The following ATF7IP2 variants were observed in gnomAD, a reference collection of about 807,000 sequenced individuals.
ATF7IP2 encodes activating transcription factor 7 interacting protein 2, also known as activating transcription factor 7-interacting protein 2.
ATF7IP2 carries 42 observed loss-of-function variants against 64.2 expected under a neutral mutation model. That is an observed-to-expected ratio of 0.65 (90% CI 0.51 to 0.85). The LOEUF (loss-of-function observed/expected upper bound fraction) is 0.85, where lower values mean the gene tolerates loss of function less well. ATF7IP2 is among the 40% of genes least tolerant of loss of function. The probability of loss-of-function intolerance (pLI) is 0.00; values close to 1 mark genes in which losing one functional copy is unlikely to be tolerated. For missense variants in ATF7IP2, 933 were observed against 784.2 expected (o/e 1.19, Z -2.27); for synonymous variants, 308 against 272.8 (o/e 1.13, Z -1.27).
At chr16:10,450,948 G>C (rs2048965288) in intron 8 of ATF7IP2, among the ~76,000 whole-genome samples, 2 of 152,208 alleles carry the variant, frequency 1.3e-5, no homozygotes, top group Non-Finnish European at 1.5e-5. Context: ...TGCAGTGGCT[G>C]GTACTGGTTG....
chr16:10,409,724 C>G (rs1380149649), intron 1 of ATF7IP2, among the ~76,000 whole-genome samples: 6 of 152,170 alleles, frequency 3.9e-5, no homozygotes, highest in Non-Finnish European at 8.8e-5. Flanking sequence ...CATGCCCAGC[C>G]TCCTTGATCC....
At chr16:10,465,669 G>C (rs1300418421) in intron 9 of ATF7IP2, among the ~76,000 whole-genome samples, 1 of 149,078 alleles carries the variant, frequency 6.7e-6, no homozygotes, top group Non-Finnish European at 1.5e-5. Flanking sequence ...AACCTGGGAG[G>C]TGGAGGTTGG....
intron 8 of ATF7IP2, among the ~76,000 whole-genome samples, chr16:10,443,288 C>T (rs2048691313): frequency 6.6e-6 from 1 of 152,162 alleles, no homozygotes; most frequent in Admixed American, 6.5e-5. Context: ...GTAAAATTGG[C>T]ATCGTTAGAT....
At chr16:10,403,278 G>A (rs535857972) in intron 1 of ATF7IP2, among the ~76,000 whole-genome samples, 1 of 152,212 alleles carries the variant, frequency 6.6e-6, no homozygotes, top group South Asian at 2.1e-4. Context: ...CATGTTACCA[G>A]AATTGTCCAT....
At chr16:10,480,119 C>G (rs1459483711) in intron 12 of ATF7IP2, among the ~76,000 whole-genome samples, 1 of 151,618 alleles carries the variant, frequency 6.6e-6, no homozygotes, top group Admixed American at 6.6e-5. Flanking sequence ...TCCCGAGTAG[C>G]TGGGACTACA....
intron 1 of ATF7IP2, among the ~76,000 whole-genome samples, chr16:10,413,097 G>A (rs1203572275): frequency 1.3e-5 from 2 of 152,116 alleles, no homozygotes; most frequent in Non-Finnish European, 2.9e-5. Flanking sequence ...TAGTTGGTTT[G>A]TGAATTCGTA....
At chr16:10,420,662 C>G (rs187329945) in intron 3 of ATF7IP2, among the ~76,000 whole-genome samples, 110 of 152,294 alleles carry the variant, frequency 7.2e-4, no homozygotes, top group African/African-American at 2.6e-3. Context: ...GCATTCTACT[C>G]CTAACTGCTG....
intron 1 of ATF7IP2, among the ~76,000 whole-genome samples, chr16:10,397,978 C>T (rs1341103159): frequency 2.6e-5 from 4 of 151,842 alleles, no homozygotes; most frequent in Non-Finnish European, 4.4e-5. Flanking sequence ...TATGAAATAT[C>T]ACATCTCACA....
intron 12 of ATF7IP2, among the ~76,000 whole-genome samples, chr16:10,480,063 A>T (rs1255735321): frequency 1.5e-5 from 2 of 135,662 alleles, no homozygotes; most frequent in Admixed American, 1.7e-4. Flanking sequence ...ATCTTGGCTC[A>T]CTTCAACCTC....
chr16:10,398,368 C>G (rs1419277031), intron 1 of ATF7IP2, among the ~76,000 whole-genome samples: 1 of 151,838 alleles, frequency 6.6e-6, no homozygotes, highest in Non-Finnish European at 1.5e-5. Flanking sequence ...GGAACTCTTG[C>G]ACACAGTTCA....
chr16:10,472,665 G>A (rs930774498), intron 10 of ATF7IP2, among the ~76,000 whole-genome samples: 32 of 151,986 alleles, frequency 2.1e-4, no homozygotes, highest in African/African-American at 7.7e-4. Context: ...AGACCAGCCT[G>A]GCCAACAAAA....
At chr16:10,411,905 G>T (rs8061731) in intron 1 of ATF7IP2, among the ~76,000 whole-genome samples, 80 of 82,890 alleles carry the variant, frequency 9.7e-4, no homozygotes, top group African/African-American at 2.8e-3. Flanking sequence ...GAGCTTATTT[G>T]TTTTTTTTTT....
chr16:10,430,459 A>G, intron 4 of ATF7IP2, 152 bp from the exon 5 acceptor site: 1 of 567,678 alleles, frequency 1.8e-6, no homozygotes, highest in East Asian at 2.9e-5. Flanking sequence ...AGTGTCATGA[A>G]AATGGATATG....
At chr16:10,458,665 C>T (rs2049264403) in intron 9 of ATF7IP2, among the ~76,000 whole-genome samples, 1 of 151,988 alleles carries the variant, frequency 6.6e-6, no homozygotes, top group African/African-American at 2.4e-5. Context: ...GCAAACTCTT[C>T]CAAAGAATAG....
chr16:10,406,232 G>A (rs377238156), intron 1 of ATF7IP2, among the ~76,000 whole-genome samples: 26 of 152,134 alleles, frequency 1.7e-4, no homozygotes, highest in East Asian at 9.7e-4. Flanking sequence ...TCAGCCTCTC[G>A]AGTAGCTGGG....
intron 8 of ATF7IP2, among the ~76,000 whole-genome samples, chr16:10,442,403 A>T (rs2048658064): frequency 6.6e-6 from 1 of 152,214 alleles, no homozygotes; most frequent in African/African-American, 2.4e-5. Flanking sequence ...AAAAGAAATG[A>T]GGAAAGTTTT....
Position 10,404,791 on chromosome 16 carries a change from C to T in ATF7IP2, c.-241-9783C>T, listed in dbSNP as rs542416821. Among the ~76,000 whole-genome samples, 96 of 152,250 alleles carry T rather than the reference C, an allele frequency of 6.3e-4. 1 individual carries two copies. The highest frequency in any genetic ancestry group is 2.1e-3 in the African/African-American group (86 of 41,562). On this transcript the variant is annotated intron_variant, in intron 1 of 13. Transcript: ENST00000562102. Reference sequence around the variant, plus strand: ...CTCCTGGACTCAAGTAAACCGCCCACTTTGGCCTCCCAAGGTGCTGGTATT... The same window carrying T: ...CTCCTGGACTCAAGTAAACCGCCCATTTTGGCCTCCCAAGGTGCTGGTATT...
intron 9 of ATF7IP2, among the ~76,000 whole-genome samples, chr16:10,460,760 A>T (rs7187024): frequency 0.54 from 82,349 of 152,000 alleles, 22,402 homozygotes; most frequent in East Asian, 0.69. Flanking sequence ...TTTAGAATAT[A>T]TAATGTCTTC....
intron 7 of ATF7IP2, 45 bp downstream of exon 7, chr16:10,438,280 T>C (rs770222642): frequency 6.4e-7 from 1 of 1,557,310 alleles, no homozygotes; most frequent in Non-Finnish European, 8.7e-7. Flanking sequence ...GAGTAGGGGG[T>C]GTTGTTGCTC....
Sources: gnomAD v4.1 joint callset for allele counts (sites outside exome capture counted in the v4.1 genomes callset) on GRCh38, gnomAD v4.1.1 for gene constraint, MANE v1.5 for transcripts, NCBI Gene and HGNC (gene_info 2026-07-23, HGNC 2026-07-21) for gene names.